Variants in SLMAP observed in about 807,000 individuals in gnomAD.
SLMAP encodes sarcolemmal membrane-associated protein.
A neutral mutation model predicts 128.8 loss-of-function variants in SLMAP; 44 were observed. The ratio of observed to expected loss-of-function variants is 0.34; its 90% CI spans 0.27 to 0.44. The LOEUF (loss-of-function observed/expected upper bound fraction) is 0.44, where lower values mean the gene tolerates loss of function less well. Ranked by LOEUF, SLMAP falls within the 20% of genes least tolerant of loss-of-function variation. The pLI is 1.00. For synonymous variants in SLMAP, 327 were observed against 348.8 expected, an observed-to-expected ratio of 0.94 and a Z score of 0.70; for missense variants, 787 against 985.3, an observed-to-expected ratio of 0.80 and a Z score of 2.69.
At chr3:57,868,126 T>C (rs2095356692) in intron 13 of SLMAP, among the ~76,000 whole-genome samples, 1 of 151,976 alleles carries the variant, frequency 6.6e-6, no homozygotes, top group Non-Finnish European at 1.5e-5. Flanking sequence ...CTGGGCATAG[T>C]GGTGTGCACC....
At chr3:57,767,055 A>T (rs2079883100) in intron 2 of SLMAP, among the ~76,000 whole-genome samples, 1 of 151,968 alleles carries the variant, frequency 6.6e-6, no homozygotes, top group Non-Finnish European at 1.5e-5. Context: ...AGTAGCTGGG[A>T]TGACAGGCAC....
chr3:57,778,442 T>C (rs1299371530), intron 2 of SLMAP, among the ~76,000 whole-genome samples: 5 of 151,758 alleles, frequency 3.3e-5, no homozygotes, highest in Admixed American at 6.6e-5. Context: ...CAGGGTTTTT[T>C]TGGTAGATTT....
chr3:57,903,755 T>C (rs575242883), intron 17 of SLMAP, among the ~76,000 whole-genome samples: 1 of 151,998 alleles, frequency 6.6e-6, no homozygotes, highest in Non-Finnish European at 1.5e-5. Flanking sequence ...ATTTACAACT[T>C]ACATTACTCC....
chr3:57,873,716 C>G (rs2095537479), intron 14 of SLMAP, among the ~76,000 whole-genome samples: 1 of 152,098 alleles, frequency 6.6e-6, no homozygotes, highest in African/African-American at 2.4e-5. Flanking sequence ...TGGCTCACGT[C>G]TGTAATCCTG....
chr3:57,864,931 A>T, intron 12 of SLMAP, 74 bp downstream of exon 12: 1 of 1,154,612 alleles, frequency 8.7e-7, no homozygotes, highest in Non-Finnish European at 1.2e-6. Context: ...ACTGTCTCAC[A>T]CTGCATTTTT....
chr3:57,875,775 G>C (rs970738911), intron 14 of SLMAP, among the ~76,000 whole-genome samples: 1 of 152,188 alleles, frequency 6.6e-6, no homozygotes, highest in South Asian at 2.1e-4. Context: ...GGGAAAGTGA[G>C]GGTTGACTCT....
At chr3:57,865,419 A>G (rs1377727825) in intron 13 of SLMAP, 127 bp downstream of exon 13, 3 of 437,302 alleles carry the variant, frequency 6.9e-6, no homozygotes, top group African/African-American at 6.0e-5. Context: ...ATTGAACCCC[A>G]TCATTTAAAA....
chr3:57,813,664 C>G (rs2091396841), intron 2 of SLMAP, among the ~76,000 whole-genome samples: 1 of 152,118 alleles, frequency 6.6e-6, no homozygotes, highest in Non-Finnish European at 1.5e-5. Flanking sequence ...TCTAAGTAGT[C>G]TAGAGATGAA....
chr3:57,840,038 C>G lies in SLMAP; in HGVS notation c.347-1261C>G, dbSNP rs1014343325. ...GTTTTGCCATGTTGGCCAGTCTGGT[C>G]TCAAACTCCTGACCTCAGGTGATCC... On this transcript the variant is annotated intron_variant, in intron 3 of 24. Coordinates refer to ENST00000671191, the MANE Select transcript of SLMAP (RefSeq NM_001377540.1). Among the ~76,000 whole-genome samples the G allele has an allele frequency of 2.0e-5, 3 of 152,254 alleles. No homozygotes were observed. In the South Asian group the frequency reaches 6.2e-4, roughly 32 times the overall value.
intron 14 of SLMAP, among the ~76,000 whole-genome samples, chr3:57,887,851 A>G (rs140886592): frequency 3.0e-4 from 46 of 152,242 alleles, no homozygotes; most frequent in African/African-American, 1.1e-3. Context: ...AGAAATCCCT[A>G]CTATGTGTAC....
intron 14 of SLMAP, among the ~76,000 whole-genome samples, chr3:57,877,831 CTTTTTTTTTTTT>C (rs57685937): frequency 2.7e-5 from 3 of 111,684 alleles, no homozygotes; most frequent in Non-Finnish European, 3.7e-5. Flanking sequence ...TTTTTTCCTT[CTTTTTTTTTTTT>C]TTTTTTTTTT....
intron 22 of SLMAP, among the ~76,000 whole-genome samples, chr3:57,922,673 C>T (rs941900663): frequency 1.4e-4 from 22 of 152,102 alleles, no homozygotes; most frequent in African/African-American, 5.3e-4. Flanking sequence ...GTGATCTGCC[C>T]GCCTTGGCCT....
In SLMAP at chr3:57,925,828, TGCCTTCCCTTCTTTA is replaced by T; in HGVS notation, c.2446-9_2451del. The T allele has an allele frequency of 6.6e-7, 1 of 1,525,742 alleles. No homozygotes were observed. Among genetic ancestry groups the T allele is most frequent in the Non-Finnish European group, 8.9e-7 (1 of 1,124,054 alleles). The allele number at this position is 1,525,742 out of a possible 1,614,324, so 94.5% of individuals were successfully genotyped here. On this transcript the variant is annotated splice_acceptor_variant and splice_polypyrimidine_tract_variant and intron_variant, in intron 23 of 24. Coordinates refer to ENST00000671191, the MANE Select transcript of SLMAP (RefSeq NM_001377540.1). LOFTEE classifies it high-confidence loss of function. ...TTCATAGCATAAAATGATTTTAATA[TGCCTTCCCTTCTTTA>T]GCCTTCCATATTACAACCCGTCCCA...
intron 21 of SLMAP, among the ~76,000 whole-genome samples, chr3:57,915,601 A>G (rs2096793581): frequency 6.6e-6 from 1 of 152,146 alleles, no homozygotes; most frequent in South Asian, 2.1e-4. Flanking sequence ...TGGGATTCAG[A>G]CTCTGTAGTA....
At chr3:57,847,817 G>T (rs1186163846) in intron 5 of SLMAP, among the ~76,000 whole-genome samples, 8 of 152,098 alleles carry the variant, frequency 5.3e-5, no homozygotes, top group Non-Finnish European at 1.2e-4. Flanking sequence ...AGTTTTCTTA[G>T]TGCAGTAACT....
chr3:57,793,078 G>A (rs2085890670), intron 2 of SLMAP, among the ~76,000 whole-genome samples: 1 of 151,886 alleles, frequency 6.6e-6, no homozygotes, highest in Non-Finnish European at 1.5e-5. Flanking sequence ...GGCCGAAGTT[G>A]CAGTGAGCCA....
At chr3:57,876,227 T>G (rs1417010024) in intron 14 of SLMAP, among the ~76,000 whole-genome samples, 1 of 152,252 alleles carries the variant, frequency 6.6e-6, no homozygotes, top group Non-Finnish European at 1.5e-5. Context: ...ATTTTTCAGT[T>G]TATGTGTATG....
chr3:57,906,517 A>T (rs934404598), intron 17 of SLMAP, among the ~76,000 whole-genome samples: 3 of 148,006 alleles, frequency 2.0e-5, no homozygotes, highest in African/African-American at 7.4e-5. Context: ...GGGTTTCCAC[A>T]TGTTGCCCAG....
chr3:57,812,061 C>T (rs2091077883), intron 2 of SLMAP, among the ~76,000 whole-genome samples: 1 of 152,154 alleles, frequency 6.6e-6, no homozygotes. Flanking sequence ...CTTTGACACA[C>T]AAAAGTTTTT....
Sources: allele counts gnomAD v4.1 joint callset (sites outside exome capture counted in the v4.1 genomes callset), GRCh38; gene constraint gnomAD v4.1.1; transcripts MANE v1.5; gene names NCBI Gene and HGNC (gene_info 2026-07-23, HGNC 2026-07-21).